Variants in CFAP299 observed in about 807,000 individuals in gnomAD.
The protein encoded by CFAP299 is cilia and flagella associated protein 299.
A neutral mutation model predicts 27.0 loss-of-function variants in CFAP299; 21 were observed. The observed-to-expected ratio is 0.78, with a 90% CI of 0.55 to 1.12. CFAP299 has a LOEUF of 1.12. Ranked by LOEUF, CFAP299 falls within the 50% of genes most tolerant of loss-of-function variation. The pLI is 0.00. For synonymous variants in CFAP299, 104 were observed against 98.1 expected (o/e 1.06, Z -0.36); for missense variants, 310 against 276.6 (o/e 1.12, Z -0.86).
chr4:80,415,605 A>G (rs7664904), intron 2 of CFAP299, among the ~76,000 whole-genome samples: 139,156 of 152,114 alleles, frequency 0.91, 64,597 homozygotes, highest in East Asian at 1. Context: ...ATACATTGTA[A>G]AAAAAGTTAA....
chr4:80,727,746 A>G (rs1305437707), intron 3 of CFAP299, among the ~76,000 whole-genome samples: 1 of 151,968 alleles, frequency 6.6e-6, no homozygotes, highest in African/African-American at 2.4e-5. Flanking sequence ...TAAGGTGCTC[A>G]TTTCAGGATG....
chr4:80,527,877 G>A (rs1733267722), intron 2 of CFAP299, among the ~76,000 whole-genome samples: 4 of 152,170 alleles, frequency 2.6e-5, no homozygotes, highest in Middle Eastern at 3.4e-3. Context: ...AGTCTCCTCC[G>A]ACCTTGATGA....
At chr4:80,427,349 A>T (rs1007338817) in intron 2 of CFAP299, among the ~76,000 whole-genome samples, 1 of 152,172 alleles carries the variant, frequency 6.6e-6, no homozygotes, top group Admixed American at 6.6e-5. Flanking sequence ...TAGGTTTGGA[A>T]ATATAAATTT....
At chr4:80,560,159 GC>G (rs1052803937) in intron 2 of CFAP299, among the ~76,000 whole-genome samples, 5 of 151,938 alleles carry the variant, frequency 3.3e-5, no homozygotes, top group African/African-American at 1.2e-4. Flanking sequence ...CAGAGCACTG[GC>G]CAGAGTTGTG....
At chr4:80,821,181 C>A (rs923278657) in intron 3 of CFAP299, among the ~76,000 whole-genome samples, 2 of 152,164 alleles carry the variant, frequency 1.3e-5, no homozygotes, top group Non-Finnish European at 2.9e-5. Context: ...TTCATACGCA[C>A]TTTACCATGA....
intron 2 of CFAP299, among the ~76,000 whole-genome samples, chr4:80,480,715 A>G (rs1730521724): frequency 6.6e-6 from 1 of 152,026 alleles, no homozygotes; most frequent in Admixed American, 6.6e-5. Flanking sequence ...TATACCCAGG[A>G]TACTACATTT....
In CFAP299 at chr4:80,673,754, C is replaced by A. The variant is rs528647454; in HGVS notation, c.333+90571C>A. Among the ~76,000 whole-genome samples, 3 of 151,840 alleles carry A rather than the reference C, an allele frequency of 2.0e-5. No homozygotes were observed. In the East Asian group the frequency reaches 5.8e-4, roughly 29 times the overall value. On this transcript the variant is annotated intron_variant, in intron 3 of 5. Coordinates refer to ENST00000358105, the MANE Select transcript of CFAP299 (RefSeq NM_152770.3). ...GTAGCTCTTCTTGTTGAATTGATCCCTTTACCATCATGTAATGGCCTTCTG... is the reference window on the plus strand; with the variant it reads ...GTAGCTCTTCTTGTTGAATTGATCCATTTACCATCATGTAATGGCCTTCTG...
chr4:80,368,683 T>C lies in CFAP299; in HGVS notation c.242+5799T>C, dbSNP rs529088057. 2.6e-5 allele frequency among the ~76,000 whole-genome samples: 4 copies of C among 152,304 alleles called. No individual in the cohort carries two copies. In the East Asian group the frequency reaches 7.7e-4, roughly 29 times the overall value. On this transcript the variant is annotated intron_variant, in intron 2 of 5. Coordinates refer to ENST00000358105, the MANE Select transcript of CFAP299 (RefSeq NM_152770.3). The stretch of plus-strand genomic sequence containing the variant: ...TTCCAGAGTTTATTTTATATAAGAA[T>C]GGCTTTATCCTGTCAACCTTGTTTT...
chr4:80,581,453 G>GATTATATATATATATATAT (rs1553936102), intron 2 of CFAP299, among the ~76,000 whole-genome samples: 5 of 103,032 alleles, frequency 4.9e-5, no homozygotes, highest in African/African-American at 3.1e-4. Flanking sequence ...TATTAAGTGA[G>GATTATATATATATATATAT]ATATATATAT....
chr4:80,693,438 A>G (rs1244457202), intron 3 of CFAP299, among the ~76,000 whole-genome samples: 12 of 151,486 alleles, frequency 7.9e-5, no homozygotes, highest in African/African-American at 2.7e-4. Flanking sequence ...TCAGTAAACT[A>G]TCGCAAGAAC....
chr4:80,685,984 T>C (rs2110010017), intron 3 of CFAP299, among the ~76,000 whole-genome samples: 1 of 152,316 alleles, frequency 6.6e-6, no homozygotes, highest in South Asian at 2.1e-4. Context: ...TTAATATATT[T>C]CATCTTCTTG....
intron 1 of CFAP299, among the ~76,000 whole-genome samples, chr4:80,360,118 G>T (rs548451976): frequency 6.6e-6 from 1 of 152,314 alleles, no homozygotes; most frequent in South Asian, 2.1e-4. Context: ...CCAACTCCTG[G>T]ACTGTGTGCT....
At chr4:80,724,301 G>A (rs1723017424) in intron 3 of CFAP299, among the ~76,000 whole-genome samples, 1 of 151,842 alleles carries the variant, frequency 6.6e-6, no homozygotes. Context: ...AAGCAAACTG[G>A]GCAATTGGGA....
chr4:80,816,999 C>G (rs963329940), intron 3 of CFAP299, among the ~76,000 whole-genome samples: 1 of 152,102 alleles, frequency 6.6e-6, no homozygotes, highest in Non-Finnish European at 1.5e-5. Flanking sequence ...CAGGATTTCC[C>G]TTCAGGTCAG....
At chr4:80,474,007 T>C (rs1047072237) in intron 2 of CFAP299, among the ~76,000 whole-genome samples, 3 of 152,228 alleles carry the variant, frequency 2.0e-5, no homozygotes, top group African/African-American at 7.2e-5. Context: ...AAAATTATGA[T>C]TTTAAAATTG....
intron 3 of CFAP299, among the ~76,000 whole-genome samples, chr4:80,724,925 T>A (rs1438456562): frequency 6.7e-6 from 1 of 149,644 alleles, no homozygotes; most frequent in Non-Finnish European, 1.5e-5. Context: ...CCTTCTTTCT[T>A]CTTTCTTTCT....
At chr4:80,756,062 C>A (rs1007585886) in intron 3 of CFAP299, among the ~76,000 whole-genome samples, 3 of 152,028 alleles carry the variant, frequency 2.0e-5, no homozygotes. Context: ...ATCAATATTC[C>A]TTTGCTTTAC....
At chr4:80,731,254 C>G (rs1045590980) in intron 3 of CFAP299, among the ~76,000 whole-genome samples, 1 of 152,046 alleles carries the variant, frequency 6.6e-6, no homozygotes, top group Non-Finnish European at 1.5e-5. Context: ...GAAGCTGGTA[C>G]GAGGGGGTCC....
At chr4:80,347,848 G>C (rs1722815487) in intron 1 of CFAP299, among the ~76,000 whole-genome samples, 1 of 152,132 alleles carries the variant, frequency 6.6e-6, no homozygotes, top group African/African-American at 2.4e-5. Flanking sequence ...AAAGATAAAA[G>C]CTGGAGGCAT....
Sources: gnomAD v4.1 joint callset for allele counts (sites outside exome capture counted in the v4.1 genomes callset) on GRCh38, gnomAD v4.1.1 for gene constraint, MANE v1.5 for transcripts, NCBI Gene and HGNC (gene_info 2026-07-23, HGNC 2026-07-21) for gene names.